Variants in APOOL observed in about 807,000 individuals in gnomAD.
The protein encoded by APOOL is MICOS complex subunit MIC27.
Under a neutral mutation model 23.1 loss-of-function variants are expected in APOOL, and 12 were observed. The observed-to-expected ratio is 0.52, with a 90% CI of 0.33 to 0.84. The LOEUF (loss-of-function observed/expected upper bound fraction) is 0.84, where lower values mean the gene tolerates loss of function less well. Among genes scored for constraint, APOOL ranks in the 40% least tolerant of loss-of-function variants. APOOL has a pLI of 0.02. For synonymous variants in APOOL, 77 were observed against 69.9 expected, an observed-to-expected ratio of 1.10 and a Z score of -0.51; for missense variants, 212 against 199.6, an observed-to-expected ratio of 1.06 and a Z score of -0.37.
chrX:85,086,546 C>A (rs1412825072), intron 8 of APOOL, among the ~76,000 whole-genome samples: 1 of 111,746 alleles, frequency 8.9e-6, no homozygotes, highest in Non-Finnish European at 1.9e-5. Flanking sequence ...CTACCTTCAA[C>A]ATTATCCAGA....
chrX:85,080,681 G>T (rs1924059185), intron 8 of APOOL, among the ~76,000 whole-genome samples: 1 of 111,256 alleles, frequency 9.0e-6, no homozygotes, highest in African/African-American at 3.3e-5. Flanking sequence ...GTCTAATATT[G>T]ACAGTGGGGT....
intron 8 of APOOL, among the ~76,000 whole-genome samples, chrX:85,075,650 T>C (rs1014980637): frequency 5.4e-5 from 6 of 111,727 alleles, no homozygotes; most frequent in African/African-American, 1.9e-4. Flanking sequence ...TTTTTCCACA[T>C]GCCTTTTAAT....
chrX:85,012,058 C>G (rs758951518), intron 1 of APOOL, among the ~76,000 whole-genome samples: 50 of 111,199 alleles, frequency 4.5e-4, no homozygotes, highest in African/African-American at 1.6e-3. Context: ...GATCTTCCAC[C>G]TCCTGAAGTT....
At chrX:85,067,558 G>A (rs1000125313) in intron 6 of APOOL, among the ~76,000 whole-genome samples, 31 of 108,223 alleles carry the variant, frequency 2.9e-4, no homozygotes, top group African/African-American at 9.1e-4. Flanking sequence ...CAGCTGTTTG[G>A]TTCAGCAGAT....
chrX:85,071,214 G>A (rs1923654055), intron 6 of APOOL, among the ~76,000 whole-genome samples: 1 of 110,553 alleles, frequency 9.0e-6, no homozygotes, highest in Non-Finnish European at 1.9e-5. Flanking sequence ...ATTTAATTCA[G>A]TTCTTACAAA....
chrX:85,023,686 G>C (rs1921747338), intron 1 of APOOL, among the ~76,000 whole-genome samples: 1 of 111,902 alleles, frequency 8.9e-6, no homozygotes, highest in Admixed American at 9.5e-5. Flanking sequence ...AAAAAGCTTG[G>C]CACTGGCATT....
At position 85,074,297 on chromosome X, in the gene APOOL, A is replaced by G; in HGVS notation, c.624A>G (p.Glu208=). The stretch of plus-strand genomic sequence containing the variant: ...AGCTAGGATCCTCTTCCGAAATAGA[A>G]GTACCTGCAAAAACAACTCACGTCT... ...KTKLGSSSEI[E]VPAKTTHVLK... is the part of the protein sequence containing the mutation. The change falls in exon 8 of 9, where the codon GAA becomes GAG. Residue 208 remains glutamate, a synonymous_variant. Coordinates refer to ENST00000373173, the MANE Select transcript of APOOL (RefSeq NM_198450.6). 1.7e-6 allele frequency: 2 copies of G among 1,211,461 alleles called. No individual in the cohort carries two copies. Among genetic ancestry groups the G allele is most frequent in the Non-Finnish European group, 2.2e-6 (2 of 895,156 alleles).
At position 85,088,431 on chromosome X, in the gene APOOL, C is replaced by G. The variant is rs1924442494; in HGVS notation, c.*753C>G. ...CCCTTGGTTTTGTTAATGTTAATTC[C>G]TCTTAAATATCTAAAAACATCTCTA... On this transcript the variant is annotated 3_prime_UTR_variant, in exon 9 of 9. Transcript: ENST00000373173. The G allele has an allele frequency of 1.1e-5, 1 of 94,931 alleles. No homozygotes were observed. Among genetic ancestry groups the G allele is most frequent in the Non-Finnish European group, 2.0e-5 (1 of 49,145 alleles). 7.8% of individuals were successfully genotyped at this position (94,931 alleles called of 1,213,427 possible). A position where few individuals can be genotyped will look rare whatever the true frequency, so the allele number is the denominator to read the frequency against.
chrX:85,009,531 G>T (rs186182933), intron 1 of APOOL, among the ~76,000 whole-genome samples: 2 of 111,803 alleles, frequency 1.8e-5, no homozygotes, highest in East Asian at 5.6e-4. Context: ...TATTAATGTG[G>T]TGTATCATGT....
At chrX:85,077,097 A>C (rs1465825489) in intron 8 of APOOL, among the ~76,000 whole-genome samples, 2 of 101,772 alleles carry the variant, frequency 2.0e-5, no homozygotes, top group African/African-American at 7.2e-5. Context: ...ATATATACAC[A>C]CACATATATA....
At chrX:85,005,236 C>T (rs1448173041) in intron 1 of APOOL, among the ~76,000 whole-genome samples, 2 of 110,696 alleles carry the variant, frequency 1.8e-5, no homozygotes, top group Non-Finnish European at 3.8e-5. Flanking sequence ...CTCCACCTCC[C>T]GGGTTCAGGC....
intron 1 of APOOL, among the ~76,000 whole-genome samples, chrX:85,011,275 C>A (rs1921268969): frequency 8.9e-6 from 1 of 111,859 alleles, no homozygotes; most frequent in African/African-American, 3.3e-5. Flanking sequence ...AGTATTTTCT[C>A]CCACTCTGTT....
At chrX:85,086,856 C>T (rs1376301251) in intron 8 of APOOL, among the ~76,000 whole-genome samples, 1 of 87,473 alleles carries the variant, frequency 1.1e-5, no homozygotes, top group Non-Finnish European at 2.2e-5. Flanking sequence ...CCCGCCAACA[C>T]GCCCGGCTAA....
intron 1 of APOOL, among the ~76,000 whole-genome samples, chrX:85,011,154 T>C (rs367863050): frequency 5.2e-4 from 58 of 112,026 alleles, no homozygotes; most frequent in African/African-American, 1.9e-3. Context: ...GAGAATTGTC[T>C]ATTCATGACC....
At chrX:85,080,979 T>C (rs1924073700) in intron 8 of APOOL, among the ~76,000 whole-genome samples, 1 of 107,463 alleles carries the variant, frequency 9.3e-6, no homozygotes, top group African/African-American at 3.5e-5. Context: ...TTTGAGCCTA[T>C]GTGTGTCTCT....
At chrX:85,009,065 T>C (rs993096897) in intron 1 of APOOL, among the ~76,000 whole-genome samples, 23 of 111,885 alleles carry the variant, frequency 2.1e-4, no homozygotes, top group Admixed American at 3.8e-4. Context: ...TCTTCGATAG[T>C]GTATAGAAAT....
At chrX:85,053,105 G>A (rs150855224) in intron 3 of APOOL, among the ~76,000 whole-genome samples, 1,229 of 111,308 alleles carry the variant, frequency 0.011, 23 homozygotes, top group African/African-American at 0.039. Context: ...CTTGAATCAT[G>A]TAGAGCAAAT....
In APOOL at chrX:85,089,762, T is replaced by C. The variant is rs1924472307; in HGVS notation, c.*2084T>C. The C allele has an allele frequency of 9.0e-6, 1 of 110,824 alleles. No homozygotes were observed. The highest frequency in any genetic ancestry group is 1.9e-5 in the Non-Finnish European group (1 of 53,012). The allele number at this position is 110,824 out of a possible 1,213,427, so 9.1% of individuals were successfully genotyped here. A position where few individuals can be genotyped will look rare whatever the true frequency, so the allele number is the denominator to read the frequency against. On this transcript the variant is annotated 3_prime_UTR_variant, in exon 9 of 9. Transcript: ENST00000373173. The stretch of plus-strand genomic sequence containing the variant: ...AATGTGCCTAAAACAAAATTGTCTC[T>C]ACCTCCCGCTCCTTCAAATCTATTC...
Position 85,051,427 on chromosome X carries a change from T to G in APOOL, c.159T>G (p.Tyr53Ter), listed in dbSNP as rs1182125747. The change falls in exon 3 of 9, where the codon TAT becomes TAG. Residue 53 changes from tyrosine to a stop codon, truncating the protein, a stop_gained. Transcript: ENST00000373173. LOFTEE classifies it high-confidence loss of function. The part of the protein sequence containing the change: ...IYTAPPLQSK[Y>*]VEEQPGHLQM... Reference sequence around the variant, plus strand: ...CTGCACCACCGCTCCAGTCTAAATATGTTGAAGAGCAGCCTGGTCATTTAC... The same window carrying G: ...CTGCACCACCGCTCCAGTCTAAATAGGTTGAAGAGCAGCCTGGTCATTTAC... 1.7e-6 allele frequency: 2 copies of G among 1,208,903 alleles called. No homozygotes were observed. Among genetic ancestry groups the G allele is most frequent in the Non-Finnish European group, 2.2e-6 (2 of 894,781 alleles).
Sources: gnomAD v4.1 joint callset for allele counts (sites outside exome capture counted in the v4.1 genomes callset) on GRCh38, gnomAD v4.1.1 for gene constraint, MANE v1.5 for transcripts, NCBI Gene and HGNC (gene_info 2026-07-23, HGNC 2026-07-21) for gene names.